SEC61A1: variants seen among roughly 807,000 people sequenced by gnomAD.
SEC61A1 encodes the protein SEC61 translocon subunit alpha 1.
Under a neutral mutation model 55.2 loss-of-function variants are expected in SEC61A1, and 15 were observed. The ratio of observed to expected loss-of-function variants is 0.27; its 90% confidence interval spans 0.18 to 0.42. The LOEUF is 0.42. Among genes scored for constraint, SEC61A1 ranks in the 10% least tolerant of loss-of-function variants. The pLI is 1.00. For missense variants in SEC61A1, 284 were observed against 602.6 expected (o/e 0.47, Z 5.53); for synonymous variants, 247 against 234.0 (o/e 1.06, Z -0.51).
chr3:128,068,117 C>CTATCAGG, intron 11 of SEC61A1, 58 bp downstream of exon 11: 1 of 1,361,112 alleles, frequency 7.3e-7, no homozygotes. Flanking sequence ...TGTTTCTTTC[C>CTATCAGG]ATGCAGGGCA....
Position 128,060,103 on chromosome 3 carries a change from A to C in SEC61A1, c.354A>C (p.Leu118Phe). The change falls in exon 6 of 12, where the codon TTA (leucine) becomes TTC (phenylalanine). Residue 118 changes from leucine (L) to phenylalanine (F), a missense_variant and splice_region_variant. Coordinates refer to ENST00000243253, the MANE Select transcript of SEC61A1 (RefSeq NM_013336.4). ...DRALFNGAQK[L>F]FGMIITIGQS... ...AACACTTCTTTCTTTCAATTCTAGT[A>C]TTTGGCATGATCATTACTATCGGCC... is the stretch of plus-strand genomic sequence containing the variant. 1.2e-6 allele frequency: 2 copies of C among 1,609,758 alleles called. No individual in the cohort carries two copies. The highest frequency in any genetic ancestry group is 1.7e-6 in the Non-Finnish European group (2 of 1,176,202).
chr3:128,060,067 C>A, intron 5 of SEC61A1, 35 bp from the exon 6 acceptor site: 1 of 1,471,052 alleles, frequency 6.8e-7, no homozygotes, highest in Non-Finnish European at 9.5e-7. Flanking sequence ...TGTGTAGTGA[C>A]CCACTTGGAA....
Position 128,067,666 on chromosome 3 carries a change from G to A in SEC61A1, c.1167+54G>A. The A allele has an allele frequency of 7.2e-7, 1 of 1,384,656 alleles. No homozygotes were observed. Among genetic ancestry groups the A allele is most frequent in the Non-Finnish European group, 1.0e-6 (1 of 995,932 alleles). 85.8% of individuals were successfully genotyped at this position (1,384,656 alleles called of 1,614,324 possible). ...GTGATGAAAGTGTGACTGGTATAAG[G>A]GGTGTGGACTTGTCACCTCATCATA... On this transcript the variant is annotated intron_variant, in intron 10 of 11. Coordinates refer to ENST00000243253, the MANE Select transcript of SEC61A1 (RefSeq NM_013336.4). The surrounding 1 kb of genome is among the most constrained non-coding windows in gnomAD (Gnocchi z 4.1).
intron 2 of SEC61A1, among the ~76,000 whole-genome samples, chr3:128,053,370 T>C (rs1421548125): frequency 2.0e-5 from 3 of 152,170 alleles, no homozygotes; most frequent in Non-Finnish European, 2.9e-5. Context: ...GCTGTCACAA[T>C]AGGGGGAATA....
At chr3:128,066,792 G>A (rs756580474) in intron 8 of SEC61A1, 162 bp from the exon 9 acceptor site, 23 of 641,194 alleles carry the variant, frequency 3.6e-5, no homozygotes, top group Admixed American at 5.7e-5. Flanking sequence ...GTGCAGTGGT[G>A]GGTAAGGAGT....
chr3:128,068,030 A>G lies in SEC61A1; in HGVS notation c.1215A>G (p.Arg405=). The G allele has an allele frequency of 6.2e-7, 1 of 1,613,958 alleles. No homozygotes were observed. Among genetic ancestry groups the G allele is most frequent in the Non-Finnish European group, 8.5e-7 (1 of 1,179,996 alleles). The change falls in exon 11 of 12, where the codon CGA becomes CGG. Residue 405 remains arginine, a synonymous_variant. Transcript: ENST00000243253. The stretch of plus-strand genomic sequence containing the variant: ...AGCAGATGGTGATGAGAGGCCACCG[A>G]GAGACCTCCATGGTCCATGAACTCA... ...KEQQMVMRGH[R]ETSMVHELNR... is the part of the protein sequence containing the mutation.
rs1942041178 is a variant in SEC61A1, at chr3:128,068,156, C to A, written c.1244+97C>A. 17 of 845,706 alleles carry A rather than the reference C, an allele frequency of 2.0e-5. No individual in the cohort carries two copies. In the South Asian group the frequency reaches 2.1e-4, roughly 10 times the overall value. The allele number at this position is 845,706 out of a possible 1,614,324, so 52.4% of individuals were successfully genotyped here. On this transcript the variant is annotated intron_variant, in intron 11 of 11. Coordinates refer to ENST00000243253, the MANE Select transcript of SEC61A1 (RefSeq NM_013336.4). ...TGATAGGCCCTAGCACTTACTGGGT[C>A]ACTAAATCTTATCCTTGGGTTACAG...
Position 128,069,739 on chromosome 3 carries a change from C to A in SEC61A1, c.*77C>A. The A allele has an allele frequency of 1.7e-6, 2 of 1,210,654 alleles. No homozygotes were observed. Among genetic ancestry groups the A allele is most frequent in the Non-Finnish European group, 2.4e-6 (2 of 836,024 alleles). 75.0% of individuals were successfully genotyped at this position (1,210,654 alleles called of 1,614,324 possible). On this transcript the variant is annotated 3_prime_UTR_variant, in exon 12 of 12. Coordinates refer to ENST00000243253, the MANE Select transcript of SEC61A1 (RefSeq NM_013336.4). ...GGAGCTCTCATCATGGCGCGTGCTG[C>A]TGCGGCATATGGACTTTTAATAATG...
At chr3:128,061,147 A>T (rs758360121) in intron 7 of SEC61A1, among the ~76,000 whole-genome samples, 13 of 152,234 alleles carry the variant, frequency 8.5e-5, no homozygotes, top group Admixed American at 3.9e-4. Flanking sequence ...GGAGCTTAGC[A>T]CCTGCGTTCA....
Position 128,060,510 on chromosome 3 carries a change from C to T in SEC61A1, c.465C>T (p.Leu155=). The T allele has an allele frequency of 6.2e-7, 1 of 1,614,092 alleles. No homozygotes were observed. Among genetic ancestry groups the T allele is most frequent in the Non-Finnish European group, 8.5e-7 (1 of 1,179,984 alleles). ...AGICLLITIQ[L]FVAGLIVLLL... ...CTTGTATTTTTGAATTTTTACAGCT[C>T]TTTGTTGCTGGCTTAATTGTCCTAC... The change falls in exon 7 of 12, where the codon CTC becomes CTT. Residue 155 remains leucine, a splice_region_variant and synonymous_variant. Coordinates refer to ENST00000243253, the MANE Select transcript of SEC61A1 (RefSeq NM_013336.4).
chr3:128,063,968 C>T (rs528400091), intron 7 of SEC61A1, among the ~76,000 whole-genome samples: 1 of 152,196 alleles, frequency 6.6e-6, no homozygotes, highest in Non-Finnish European at 1.5e-5. Context: ...ATCCCTCAGT[C>T]CCTCAGTAAG....
intron 5 of SEC61A1, among the ~76,000 whole-genome samples, chr3:128,059,494 A>G (rs1342153463): frequency 1.5e-4 from 23 of 151,986 alleles, no homozygotes; most frequent in South Asian, 4.2e-4. Flanking sequence ...GAAAGCTTCT[A>G]TTAGACCAAA....
At chr3:128,052,306 T>TCGGCGAAGCGGCGCGGCG (rs1447851129), upstream of SEC61A1, 27 of 336,940 alleles carry the variant, frequency 8.0e-5, no homozygotes, top group Admixed American at 2.5e-4. Flanking sequence ...GCTTGAGGTC[T>TCGGCGAAGCGGCGCGGCG]CGGCGAAGCG....
In SEC61A1 at chr3:128,052,446, C is replaced by T. The variant is rs1034062925; in HGVS notation, c.-107C>T. 9 of 1,435,596 alleles carry T rather than the reference C, an allele frequency of 6.3e-6. No homozygotes were observed. Among genetic ancestry groups the T allele is most frequent in the South Asian group, 4.4e-5 (3 of 67,448 alleles). The allele number at this position is 1,435,596 out of a possible 1,614,324, so 88.9% of individuals were successfully genotyped here. On this transcript the variant is annotated 5_prime_UTR_variant, in exon 1 of 12. Coordinates refer to ENST00000243253, the MANE Select transcript of SEC61A1 (RefSeq NM_013336.4). Reference sequence around the variant, plus strand: ...CCGCCGGGCTAGCACTGACGTGTCTCTCGGCGGAGCTGCTGTGCAGTGGAA... The same window carrying T: ...CCGCCGGGCTAGCACTGACGTGTCTTTCGGCGGAGCTGCTGTGCAGTGGAA...
intron 5 of SEC61A1, 82 bp downstream of exon 5, chr3:128,056,922 TTTTA>T (rs1941780120): frequency 9.0e-7 from 1 of 1,113,474 alleles, no homozygotes; most frequent in Non-Finnish European, 1.2e-6. Context: ...GTTTTTCTTT[TTTTA>T]TTTATTTTTT....
intron 8 of SEC61A1, among the ~76,000 whole-genome samples, chr3:128,066,032 G>C (rs977499320): frequency 5.9e-5 from 9 of 151,860 alleles, no homozygotes; most frequent in Non-Finnish European, 1.2e-4. Flanking sequence ...GTGAGCCACC[G>C]CACCCGGCCT....
At chr3:128,052,317 G>A, upstream of SEC61A1, 1 of 380,798 alleles carries the variant, frequency 2.6e-6, no homozygotes, top group Non-Finnish European at 3.6e-6. Context: ...CGGCGAAGCG[G>A]CGCGGCGCGG....
At chr3:128,065,292 C>T (rs1054490066) in intron 8 of SEC61A1, 13 of 600,618 alleles carry the variant, frequency 2.2e-5, no homozygotes, top group Middle Eastern at 5.2e-4. Context: ...TTGGGCCTAT[C>T]GACAGGTAAG....
chr3:128,053,675 G>T (rs1941725052), intron 2 of SEC61A1, among the ~76,000 whole-genome samples: 1 of 152,206 alleles, frequency 6.6e-6, no homozygotes, highest in South Asian at 2.1e-4. Context: ...AAATGCCCAT[G>T]TGCTGCTTTT....
Sources: allele counts gnomAD v4.1 joint callset (sites outside exome capture counted in the v4.1 genomes callset), GRCh38; gene constraint gnomAD v4.1.1; non-coding constraint Gnocchi (gnomAD v3.1); transcripts MANE v1.5; gene names NCBI Gene and HGNC (gene_info 2026-07-23, HGNC 2026-07-21).